MYO18A: variants seen among roughly 807,000 people sequenced by gnomAD.
The protein encoded by MYO18A is unconventional myosin-XVIIIa.
In MYO18A, 78 loss-of-function variants were observed where a neutral mutation model predicts 235.8. The ratio of observed to expected loss-of-function variants is 0.33; its 90% CI spans 0.28 to 0.40. MYO18A has a LOEUF of 0.40. MYO18A is among the 10% of genes least tolerant of loss of function. The pLI is 1.00. For synonymous variants in MYO18A, 977 were observed against 1,077.8 expected, an observed-to-expected ratio of 0.91 and a Z score of 1.83; for missense variants, 2,215 against 2,699.3, an observed-to-expected ratio of 0.82 and a Z score of 3.98.
At chr17:29,081,587 CA>C in intron 41 of MYO18A, among the ~76,000 whole-genome samples, 1 of 117,754 alleles carries the variant, frequency 8.5e-6, no homozygotes, top group Non-Finnish European at 1.6e-5. Context: ...TGGGCTTGAT[CA>C]GGGGGTTGGG....
Position 29,115,647 on chromosome 17 carries a change from CA to C in MYO18A, c.2227+16del. On this transcript the variant is annotated intron_variant, in intron 12 of 41. Transcript: ENST00000527372. ...AGGCCTCACACTCACAACTACCAGC[CA>C]AGGGACAAAGGGTACCTGTCCCATC... 1 of 1,577,346 alleles carries C rather than the reference CA, an allele frequency of 6.3e-7. No individual in the cohort carries two copies. The highest frequency in any genetic ancestry group is 8.6e-7 in the Non-Finnish European group (1 of 1,161,342).
chr17:29,172,300 C>G lies in MYO18A; in HGVS notation c.-81-5279G>C, dbSNP rs1214520664. 2.0e-5 allele frequency among the ~76,000 whole-genome samples: 3 copies of G among 152,094 alleles called. No homozygotes were observed. The East Asian group carries it at 5.8e-4, about 29-fold the overall frequency. ...ACCAGCCTGGTCAACACGGTGAAAC[C>G]TTGTCTCTACTAAAAATAGCTGGGC... On this transcript the variant is annotated intron_variant, in intron 1 of 41. Coordinates refer to ENST00000527372, the MANE Select transcript of MYO18A (RefSeq NM_078471.4).
At position 29,126,761 on chromosome 17, in the gene MYO18A, G is replaced by A. The variant is rs955836031; in HGVS notation, c.1000-4508C>T. Among the ~76,000 whole-genome samples the A allele has an allele frequency of 2.0e-5, 3 of 152,214 alleles. No homozygotes were observed. Among genetic ancestry groups the A allele is most frequent in the African/African-American group, 7.2e-5 (3 of 41,446 alleles). The stretch of plus-strand genomic sequence containing the variant: ...AGGGTCCAAAAAAGGGAAGCTTGAA[G>A]AGAACTGTCCCCAACTCAGAGGCCA... On this transcript the variant is annotated intron_variant, in intron 2 of 41. Transcript: ENST00000527372. This position sits in a 1 kb window ranked among gnomAD's most constrained non-coding sequence, Gnocchi z 4.1.
rs771032694 is a variant in MYO18A, at chr17:29,158,259, C to T, written c.999+7683G>A. On this transcript the variant is annotated intron_variant, in intron 2 of 41. Coordinates refer to ENST00000527372, the MANE Select transcript of MYO18A (RefSeq NM_078471.4). The surrounding 1 kb of genome is among the most constrained non-coding windows in gnomAD (Gnocchi z 4.3). ...GCAACCGGGCTGAGTCGCACCAGGG[C>T]AGAACACCATGCCCTGATTCTGGAG... 2.0e-5 allele frequency among the ~76,000 whole-genome samples: 3 copies of T among 152,164 alleles called. No homozygotes were observed. Among genetic ancestry groups the T allele is most frequent in the Non-Finnish European group, 4.4e-5 (3 of 68,032 alleles).
intron 2 of MYO18A, among the ~76,000 whole-genome samples, chr17:29,135,311 C>T (rs2152910308): frequency 6.6e-6 from 1 of 152,068 alleles, no homozygotes; most frequent in Admixed American, 6.5e-5. Context: ...ACCGTGTGAG[C>T]CAGGATGGTC....
chr17:29,080,087 T>C, intron 41 of MYO18A: 1 of 985,882 alleles, frequency 1.0e-6, no homozygotes, highest in Non-Finnish European at 1.2e-6. Flanking sequence ...TTCCGGCCGC[T>C]GCGGGACCGG....
chr17:29,110,015 G>A lies in MYO18A; in HGVS notation c.3174C>T (p.Pro1058=). The change falls in exon 19 of 42, where the codon CCC becomes CCT. Residue 1058 remains proline (P), a synonymous_variant. Transcript: ENST00000527372. ...LPVAEGWAGE[P]RSASSRRVSS... Reference sequence around the variant, plus strand: ...TGACTCGGCGGGAGGAGGCGGAACGGGGCTCCCCAGCCCAGCCCTCAGCTA... The same window carrying A: ...TGACTCGGCGGGAGGAGGCGGAACGAGGCTCCCCAGCCCAGCCCTCAGCTA... 1 of 1,613,020 alleles carries A rather than the reference G, an allele frequency of 6.2e-7. No homozygotes were observed.
intron 40 of MYO18A, among the ~76,000 whole-genome samples, chr17:29,085,215 G>T (rs921211632): frequency 2.0e-5 from 3 of 152,254 alleles, no homozygotes; most frequent in Non-Finnish European, 4.4e-5. Flanking sequence ...GCCCAAGGAT[G>T]TGGACAGATC....
intron 2 of MYO18A, among the ~76,000 whole-genome samples, chr17:29,138,848 TC>T (rs1359531388): frequency 6.6e-6 from 1 of 152,194 alleles, no homozygotes; most frequent in Non-Finnish European, 1.5e-5. Flanking sequence ...TTCCCCTGGT[TC>T]ACCTGCACTG....
chr17:29,088,444 G>A (rs1354758859), intron 37 of MYO18A, among the ~76,000 whole-genome samples: 2 of 152,052 alleles, frequency 1.3e-5, no homozygotes, highest in South Asian at 2.1e-4. Context: ...CTCTCTTCCT[G>A]TGTCCAGGTT....
chr17:29,164,879 G>C (rs1458115528), intron 2 of MYO18A, among the ~76,000 whole-genome samples: 1 of 152,228 alleles, frequency 6.6e-6, no homozygotes, highest in African/African-American at 2.4e-5. Flanking sequence ...GGGTCTCAGT[G>C]ACAGTCAGGA....
rs1189123347 is a variant in MYO18A at position 29,121,488 on chromosome 17, G to A, written c.1371+59C>T. The A allele has an allele frequency of 2.0e-6, 3 of 1,503,378 alleles. No individual in the cohort carries two copies. Among genetic ancestry groups the A allele is most frequent in the Non-Finnish European group, 2.7e-6 (3 of 1,120,052 alleles). The allele number at this position is 1,503,378 out of a possible 1,614,324, so 93.1% of individuals were successfully genotyped here. A position where few individuals can be genotyped will look rare whatever the true frequency, so the allele number is the denominator to read the frequency against. On this transcript the variant is annotated intron_variant, in intron 5 of 41. Transcript: ENST00000527372. This position sits in a 1 kb window ranked among gnomAD's most constrained non-coding sequence, Gnocchi z 4.2. ...AGTGGGGTGCCACAGGGGAAGGGCA[G>A]AGAGCCAGGGCAGGGGGTGGGACCA...
chr17:29,092,912 C>G lies in MYO18A; in HGVS notation c.5016G>C (p.Leu1672=), dbSNP rs937237983. The change falls in exon 33 of 42, where the codon CTG becomes CTC. Residue 1672 remains leucine (L), a synonymous_variant. Coordinates refer to ENST00000527372, the MANE Select transcript of MYO18A (RefSeq NM_078471.4). The part of the protein sequence containing the change: ...KALLADAQLM[L]DHLKNSAPSK... ...TGGGAGCACTGTTCTTCAGGTGGTC[C>G]AGCATGAGCTGGGCATCTGCCAGCA... is the stretch of plus-strand genomic sequence containing the variant. 1 of 1,613,952 alleles carries G rather than the reference C, an allele frequency of 6.2e-7. No homozygotes were observed. Among genetic ancestry groups the G allele is most frequent in the Non-Finnish European group, 8.5e-7 (1 of 1,179,886 alleles).
intron 2 of MYO18A, among the ~76,000 whole-genome samples, chr17:29,138,315 C>T (rs893338842): frequency 2.0e-5 from 3 of 151,984 alleles, no homozygotes; most frequent in African/African-American, 4.8e-5. Flanking sequence ...AGCTGGTGGC[C>T]GAGGTCACTT....
chr17:29,146,525 CCCTGGCCAATAAGAATAT>C (rs1382014150), intron 2 of MYO18A, among the ~76,000 whole-genome samples: 7 of 152,202 alleles, frequency 4.6e-5, no homozygotes, highest in Admixed American at 6.5e-5. Flanking sequence ...CATGACTTCG[CCCTGGCCAATAAGAATAT>C]CCTGGCCAAT....
intron 1 of MYO18A, among the ~76,000 whole-genome samples, chr17:29,178,641 G>A (rs918046193): frequency 1.3e-5 from 2 of 152,184 alleles, no homozygotes; most frequent in African/African-American, 4.8e-5. Flanking sequence ...GAGGTGGGAA[G>A]CCATGGACAA....
chr17:29,130,474 C>CCCCA (rs1470883412), intron 2 of MYO18A, among the ~76,000 whole-genome samples: 5 of 142,240 alleles, frequency 3.5e-5, no homozygotes, highest in Non-Finnish European at 6.1e-5. Context: ...GAGGCCTCTC[C>CCCCA]CACACACACA....
In MYO18A at chr17:29,096,783, C is replaced by A; in HGVS notation, c.4363G>T (p.Glu1455Ter). The A allele has an allele frequency of 6.2e-7, 1 of 1,605,652 alleles. No individual in the cohort carries two copies. The highest frequency in any genetic ancestry group is 8.5e-7 in the Non-Finnish European group (1 of 1,175,904). ...CACCTCCTCTGCTTCTTCTCCAGTT[C>A]GTGGTTGCGGACCTGCTGGCCCTCC... The part of the protein sequence containing the change: ...HLEGQQVRNH[E>*]LEKKQRRFDS... The change falls in exon 28 of 42, where the codon GAA (glutamate) becomes TAA (stop). Residue 1455 changes from glutamate to a stop codon, truncating the protein, a stop_gained. Transcript: ENST00000527372. LOFTEE classifies it high-confidence loss of function.
intron 18 of MYO18A, 123 bp from the exon 19 acceptor site, chr17:29,110,224 G>A: frequency 7.1e-7 from 1 of 1,411,454 alleles, no homozygotes; most frequent in South Asian, 1.4e-5. Context: ...GCCAGGACAT[G>A]CTAAACCTGG....
Sources: allele counts gnomAD v4.1 joint callset (sites outside exome capture counted in the v4.1 genomes callset), GRCh38; gene constraint gnomAD v4.1.1; non-coding constraint Gnocchi (gnomAD v3.1); transcripts MANE v1.5; gene names NCBI Gene and HGNC (gene_info 2026-07-23, HGNC 2026-07-21).